The following ANXA4 variants were observed in gnomAD, a reference collection of about 807,000 sequenced individuals.
ANXA4 encodes annexin A4.
Under a neutral mutation model 49.8 loss-of-function variants are expected in ANXA4, and 39 were observed. The observed-to-expected ratio is 0.78, with a 90% CI of 0.61 to 1.02. The LOEUF (loss-of-function observed/expected upper bound fraction) is 1.02, where lower values mean the gene tolerates loss of function less well. ANXA4 is among the 50% of genes least tolerant of loss of function. The pLI is 0.00. For synonymous variants in ANXA4, 134 were observed against 152.5 expected (o/e 0.88, Z 0.89); for missense variants, 360 against 410.1 (o/e 0.88, Z 1.05).
At chr2:69,711,059 G>A (rs547938169) in intron 2 of ANXA4, among the ~76,000 whole-genome samples, 8 of 152,152 alleles carry the variant, frequency 5.3e-5, no homozygotes, top group African/African-American at 1.9e-4. Flanking sequence ...GCCAGGCGTG[G>A]TTGCTCACAC....
rs1674433872 is a variant in ANXA4 at position 69,825,457 on chromosome 2, G to T, written c.908G>T (p.Gly303Val). 9 of 1,607,470 alleles carry T rather than the reference G, an allele frequency of 5.6e-6. No individual in the cohort carries two copies. The highest frequency in any genetic ancestry group is 7.6e-6 in the Non-Finnish European group (9 of 1,177,160). Reference sequence around the variant, plus strand: ...TAACTTTGCTTCCCTATCGAACAGGGTGACACATCTGGAGACTACAGGAAA... The same window carrying T: ...TAACTTTGCTTCCCTATCGAACAGGTTGACACATCTGGAGACTACAGGAAA... ...YGKSLYSFIK[G>V]DTSGDYRKVL... Residue 303 changes from glycine (G) to valine (V), a missense_variant and splice_region_variant, in exon 13 of 13, where the codon GGT (glycine) becomes GTT (valine). Transcript: ENST00000394295.
intron 1 of ANXA4, among the ~76,000 whole-genome samples, chr2:69,778,191 A>G (rs1445431911): frequency 6.6e-6 from 1 of 152,214 alleles, no homozygotes; most frequent in Non-Finnish European, 1.5e-5. Context: ...GCTCTGTGCT[A>G]TCATCCTGTT....
chr2:69,678,850 A>G (rs1677500073), intron 2 of ANXA4, among the ~76,000 whole-genome samples: 1 of 152,212 alleles, frequency 6.6e-6, no homozygotes, highest in South Asian at 2.1e-4. Context: ...CTGTTGGTGA[A>G]AAAGTTGTCT....
Position 69,788,086 on chromosome 2 carries a change from A to C in ANXA4, c.42A>C (p.Ser14=). The change falls in exon 3 of 13, where the codon TCA becomes TCC. Residue 14 remains serine, a synonymous_variant. Transcript: ENST00000394295. ...AAGGAGGTACTGTCAAAGCTGCTTC[A>C]GGATTCAATGCCATGGAAGATGCCC... The part of the protein sequence containing the change: ...ATKGGTVKAA[S]GFNAMEDAQT... 6.2e-7 allele frequency: 1 copy of C among 1,614,084 alleles called. No individual in the cohort carries two copies. Among genetic ancestry groups the C allele is most frequent in the Non-Finnish European group, 8.5e-7 (1 of 1,179,918 alleles).
rs1233708599 is a variant in ANXA4 at position 69,672,866 on chromosome 2, AT to A, written n.766+19592del. 9.9e-5 allele frequency among the ~76,000 whole-genome samples: 15 copies of A among 151,878 alleles called. 1 individual carries two copies. In the South Asian group the frequency reaches 2.9e-3, roughly 29 times the overall value. ...GGTAGTGGCTTTATGGAAAGTCAAT[AT>A]TTTTTTTCTCTATATAGTCAATTAG... On this transcript the variant is annotated intron_variant and non_coding_transcript_variant, in intron 2 of 3. Coordinates refer to the ANXA4 transcript ENST00000418066.
At chr2:69,816,028 C>T (rs1673972071) in intron 8 of ANXA4, 73 bp from the exon 9 acceptor site, 1 of 1,229,800 alleles carries the variant, frequency 8.1e-7, no homozygotes, top group Non-Finnish European at 1.2e-6. Flanking sequence ...GCTCTTTGAG[C>T]TTCTGGAAAT....
chr2:69,745,260 G>A (rs567766228), intron 1 of ANXA4, among the ~76,000 whole-genome samples: 1 of 152,298 alleles, frequency 6.6e-6, no homozygotes, highest in South Asian at 2.1e-4. Flanking sequence ...ATTTGAGGAA[G>A]TAGTTTTTAA....
intron 2 of ANXA4, among the ~76,000 whole-genome samples, chr2:69,676,371 C>A (rs1275121048): frequency 6.6e-6 from 1 of 151,974 alleles, no homozygotes; most frequent in Non-Finnish European, 1.5e-5. Flanking sequence ...AAGTCTCATG[C>A]GTAGTGAATG....
chr2:69,753,960 G>T (rs148698886), intron 1 of ANXA4, among the ~76,000 whole-genome samples: 5 of 152,328 alleles, frequency 3.3e-5, no homozygotes, highest in East Asian at 3.9e-4. Flanking sequence ...GCAGAACAGG[G>T]ACTGGAACTT....
chr2:69,731,976 C>CTTTTTTTTTT (rs1349540007), intron 3 of ANXA4, among the ~76,000 whole-genome samples: 1 of 107,010 alleles, frequency 9.3e-6, no homozygotes, highest in African/African-American at 4.0e-5. Context: ...ATTTTCTTTT[C>CTTTTTTTTTT]TTTCTTTTTT....
At position 69,818,710 on chromosome 2, in the gene ANXA4, G is replaced by C; in HGVS notation, c.724+16G>C. ...CTGGCTATAGGTAAGCTGGTAGGGGGAGTAGAGAAACAAATGTTTATAGAT... is the reference window on the plus strand; with the variant it reads ...CTGGCTATAGGTAAGCTGGTAGGGGCAGTAGAGAAACAAATGTTTATAGAT... On this transcript the variant is annotated intron_variant, in intron 10 of 12. Transcript: ENST00000394295. The C allele has an allele frequency of 6.5e-7, 1 of 1,528,252 alleles. No homozygotes were observed. The highest frequency in any genetic ancestry group is 9.0e-7 in the Non-Finnish European group (1 of 1,111,684). The allele number at this position is 1,528,252 out of a possible 1,614,324, so 94.7% of individuals were successfully genotyped here.
At chr2:69,661,743 G>A (rs1676730095) in intron 2 of ANXA4, among the ~76,000 whole-genome samples, 1 of 152,096 alleles carries the variant, frequency 6.6e-6, no homozygotes, top group Admixed American at 6.5e-5. Context: ...GGATTTCTCG[G>A]GGTAAGAGAG....
Position 69,721,915 on chromosome 2 carries a change from A to G in ANXA4, n.864+1044A>G, listed in dbSNP as rs542665878. ...AACAGCAAGTTAGGATGAAAATGGAATTGAACTAGATGGTGAAAGGTTTGG... is the reference window on the plus strand; with the variant it reads ...AACAGCAAGTTAGGATGAAAATGGAGTTGAACTAGATGGTGAAAGGTTTGG... On this transcript the variant is annotated intron_variant and non_coding_transcript_variant, in intron 3 of 3. Transcript: ENST00000418066. 2.0e-5 allele frequency among the ~76,000 whole-genome samples: 3 copies of G among 152,350 alleles called. No individual in the cohort carries two copies. The South Asian group carries it at 6.2e-4, about 32-fold the overall frequency.
chr2:69,646,941 G>T (rs923587114), intron 1 of ANXA4, among the ~76,000 whole-genome samples: 1 of 152,164 alleles, frequency 6.6e-6, no homozygotes, highest in Non-Finnish European at 1.5e-5. Context: ...GGTTCTGGCT[G>T]GTTTTCAGAG....
At chr2:69,823,415 AAAAT>A (rs541368947) in intron 12 of ANXA4, among the ~76,000 whole-genome samples, 163 of 152,076 alleles carry the variant, frequency 1.1e-3, no homozygotes, top group Middle Eastern at 3.4e-3. Flanking sequence ...AAAAGTTATA[AAAAT>A]AAATAAACTC....
At chr2:69,658,676 T>G (rs1183429099) in intron 2 of ANXA4, among the ~76,000 whole-genome samples, 1 of 152,176 alleles carries the variant, frequency 6.6e-6, no homozygotes, top group Non-Finnish European at 1.5e-5. Context: ...GATTTAAATT[T>G]ATTTTTATTT....
chr2:69,711,056 G>A lies in ANXA4; in HGVS notation n.767-9718G>A, dbSNP rs140934376. ...TAATAATAGCCCAAACTGGCCAGGCGTGGTTGCTCACACCTGTAATCCCAG... is the reference window on the plus strand; with the variant it reads ...TAATAATAGCCCAAACTGGCCAGGCATGGTTGCTCACACCTGTAATCCCAG... On this transcript the variant is annotated intron_variant and non_coding_transcript_variant, in intron 2 of 3. Coordinates refer to the ANXA4 transcript ENST00000418066. 6.2e-3 allele frequency among the ~76,000 whole-genome samples: 942 copies of A among 152,148 alleles called. 10 individuals are homozygous for A. The highest frequency in any genetic ancestry group is 0.022 in the African/African-American group (891 of 41,434).
chr2:69,676,399 C>T (rs1677415662), intron 2 of ANXA4, among the ~76,000 whole-genome samples: 1 of 152,058 alleles, frequency 6.6e-6, no homozygotes, highest in African/African-American at 2.4e-5. Context: ...CTTGTGAAAA[C>T]CTAGGCAATG....
At chr2:69,773,621 CTTTTTTTTTTT>C (rs67161210) in intron 1 of ANXA4, among the ~76,000 whole-genome samples, 16 of 93,056 alleles carry the variant, frequency 1.7e-4, no homozygotes, top group Admixed American at 8.4e-4. Flanking sequence ...TTCTTTCCTT[CTTTTTTTTTTT>C]TTTTTTTTTT....
Sources: allele counts gnomAD v4.1 joint callset (sites outside exome capture counted in the v4.1 genomes callset), GRCh38; gene constraint gnomAD v4.1.1; transcripts MANE v1.5; gene names NCBI Gene and HGNC (gene_info 2026-07-23, HGNC 2026-07-21).